The following KLRG1 variants were observed in gnomAD, a reference collection of about 807,000 sequenced individuals.
KLRG1 encodes the protein killer cell lectin-like receptor subfamily G member 1.
A neutral mutation model predicts 21.8 loss-of-function variants in KLRG1; 16 were observed. That is an observed-to-expected ratio of 0.73 (90% CI 0.50 to 1.11). The LOEUF is 1.11. Ranked by LOEUF, KLRG1 falls within the 50% of genes most tolerant of loss-of-function variation. KLRG1 has a pLI of 0.00. For synonymous variants in KLRG1, 69 were observed against 75.9 expected, an observed-to-expected ratio of 0.91 and a Z score of 0.47; for missense variants, 173 against 218.3, an observed-to-expected ratio of 0.79 and a Z score of 1.31.
the KLRG1 span, among the ~76,000 whole-genome samples, chr12:9,103,596 A>T: frequency 1.3e-5 from 2 of 152,100 alleles, no homozygotes; most frequent in African/African-American, 4.8e-5. Flanking sequence ...CTTGGCAACC[A>T]CCATCCTGTT....
At chr12:9,049,921 A>G in the KLRG1 span, among the ~76,000 whole-genome samples, 1 of 152,192 alleles carries the variant, frequency 6.6e-6, no homozygotes, top group Non-Finnish European at 1.5e-5. Flanking sequence ...TCAGAATGCT[A>G]TTAGTCTGTG....
At chr12:9,006,253 A>G (rs775824710) in intron 3 of KLRG1, among the ~76,000 whole-genome samples, 12 of 152,336 alleles carry the variant, frequency 7.9e-5, no homozygotes, top group Non-Finnish European at 1.8e-4. Flanking sequence ...AGAAAATGAA[A>G]CAGTATGATA....
chr12:9,213,279 A>G, the KLRG1 span, among the ~76,000 whole-genome samples: 1 of 152,194 alleles, frequency 6.6e-6, no homozygotes, highest in African/African-American at 2.4e-5. Context: ...TAATTCTGCT[A>G]TAAATATTTG....
the KLRG1 span, among the ~76,000 whole-genome samples, chr12:9,093,970 G>C: frequency 1.3e-5 from 2 of 152,066 alleles, no homozygotes; most frequent in African/African-American, 4.8e-5. Context: ...AGGGTCATAA[G>C]CAGAGGCTAT....
At chr12:9,031,284 G>A in the KLRG1 span, among the ~76,000 whole-genome samples, 1 of 152,196 alleles carries the variant, frequency 6.6e-6, no homozygotes, top group Non-Finnish European at 1.5e-5. Context: ...AGGAGAAAAA[G>A]CAATAGAGAA....
the KLRG1 span, among the ~76,000 whole-genome samples, chr12:9,090,854 C>A: frequency 3.3e-5 from 5 of 152,114 alleles, no homozygotes; most frequent in Non-Finnish European, 7.4e-5. Flanking sequence ...TCACAAACGA[C>A]TTTTAAAATT....
the KLRG1 span, among the ~76,000 whole-genome samples, chr12:9,116,451 C>A: frequency 9.9e-5 from 15 of 152,190 alleles, no homozygotes; most frequent in East Asian, 2.7e-3. Flanking sequence ...AAGAGCCAGG[C>A]CCTGGAAGAA....
At chr12:9,167,640 C>T in the KLRG1 span, 1 of 152,176 alleles carries the variant, frequency 6.6e-6, no homozygotes. Flanking sequence ...CAAGATATTT[C>T]AGTTTTCTTA....
chr12:8,983,395 CTTTTTTTT>C (rs764267755), intron 1 of KLRG1, among the ~76,000 whole-genome samples: 1 of 89,540 alleles, frequency 1.1e-5, no homozygotes, highest in African/African-American at 4.6e-5. Flanking sequence ...ACCATTTTAC[CTTTTTTTT>C]TTTTTTTTTT....
At chr12:9,042,195 G>A in the KLRG1 span, among the ~76,000 whole-genome samples, 1 of 152,202 alleles carries the variant, frequency 6.6e-6, no homozygotes, top group Admixed American at 6.5e-5. Flanking sequence ...ATGTGATAAG[G>A]TAAAGATGGA....
chr12:9,194,507 C>T, the KLRG1 span, among the ~76,000 whole-genome samples: 2 of 143,752 alleles, frequency 1.4e-5, no homozygotes, highest in Non-Finnish European at 1.5e-5. Context: ...CTCTGTCGCC[C>T]AGGCTGGAGT....
intron 3 of KLRG1, among the ~76,000 whole-genome samples, chr12:9,000,223 G>A (rs978556395): frequency 6.6e-6 from 1 of 152,084 alleles, no homozygotes; most frequent in Non-Finnish European, 1.5e-5. Flanking sequence ...CAAAGAAATG[G>A]CTGGAAACAC....
chr12:9,095,027 GTGGACACATTT>G, the KLRG1 span: 1 of 1,597,732 alleles, frequency 6.3e-7, no homozygotes, highest in Non-Finnish European at 8.5e-7. Flanking sequence ...TGTTGAAGCT[GTGGACACATTT>G]TGGGTTTACG....
chr12:9,184,040 G>C, the KLRG1 span, among the ~76,000 whole-genome samples: 1 of 152,170 alleles, frequency 6.6e-6, no homozygotes, highest in Non-Finnish European at 1.5e-5. Context: ...GGGGTAGATT[G>C]AAATGTCATA....
chr12:8,970,224 T>C (rs1453617401), intron 1 of KLRG1, among the ~76,000 whole-genome samples: 6 of 152,260 alleles, frequency 3.9e-5, no homozygotes, highest in African/African-American at 1.4e-4. Context: ...AAAGTTTTAT[T>C]GGAACACACA....
At chr12:8,961,038 TTTCCATTTTAC>T (rs1442285361) in intron 1 of KLRG1, among the ~76,000 whole-genome samples, 2 of 65,942 alleles carry the variant, frequency 3.0e-5, no homozygotes, top group Non-Finnish European at 9.5e-5. Flanking sequence ...TTCATTATTA[TTTCCATTTTAC>T]ATAAGGAAAC....
At chr12:9,008,275 A>G (rs924323798) in intron 3 of KLRG1, among the ~76,000 whole-genome samples, 5 of 152,246 alleles carry the variant, frequency 3.3e-5, no homozygotes, top group Non-Finnish European at 7.3e-5. Flanking sequence ...TTCTTTTGAA[A>G]TAATCTGAAT....
chr12:9,135,593 G>A, the KLRG1 span: 1 of 317,404 alleles, frequency 3.2e-6, no homozygotes, highest in Non-Finnish European at 5.9e-6. Context: ...ACTGTATCAG[G>A]TTAAGATGGA....
At chr12:9,116,110 A>T in the KLRG1 span, 1 of 444,878 alleles carries the variant, frequency 2.2e-6, no homozygotes, top group African/African-American at 2.0e-5. Context: ...CTACATTCCC[A>T]TTCCCGTAAG....
Sources: gnomAD v4.1 joint callset for allele counts (sites outside exome capture counted in the v4.1 genomes callset) on GRCh38, gnomAD v4.1.1 for gene constraint, MANE v1.5 for transcripts, NCBI Gene and HGNC (gene_info 2026-07-23, HGNC 2026-07-21) for gene names.